Variants in MAST2 observed in about 807,000 individuals in gnomAD.
The protein encoded by MAST2 is microtubule associated serine/threonine kinase 2.
A neutral mutation model predicts 147.4 loss-of-function variants in MAST2; 70 were observed. The observed-to-expected ratio is 0.47, with a 90% confidence interval of 0.39 to 0.58. The LOEUF (loss-of-function observed/expected upper bound fraction) is 0.58. MAST2 is among the 20% of genes least tolerant of loss of function. The pLI is 0.00. For synonymous variants in MAST2, 869 were observed against 896.8 expected (o/e 0.97, Z 0.55); for missense variants, 2,080 against 2,302.3 (o/e 0.90, Z 1.98).
intron 5 of MAST2, 136 bp from the exon 6 acceptor site, chr1:45,997,588 C>T: frequency 4.4e-6 from 3 of 678,646 alleles, no homozygotes; most frequent in Non-Finnish European, 7.9e-6. Flanking sequence ...CAGAAAGAGA[C>T]TCATTAAACT....
intron 4 of MAST2, among the ~76,000 whole-genome samples, chr1:45,956,002 ACTAT>A (rs1172802202): frequency 6.6e-6 from 1 of 152,166 alleles, no homozygotes; most frequent in Non-Finnish European, 1.5e-5. Context: ...TTTCCTCATG[ACTAT>A]CTATAATCCA....
chr1:45,819,899 A>T (rs373176076), intron 1 of MAST2, among the ~76,000 whole-genome samples: 14 of 152,238 alleles, frequency 9.2e-5, no homozygotes, highest in South Asian at 2.1e-4. Flanking sequence ...TATCTTCAAC[A>T]TAAAGAAGAA....
intron 3 of MAST2, among the ~76,000 whole-genome samples, chr1:45,868,365 A>T (rs1646246101): frequency 6.6e-6 from 1 of 152,220 alleles, no homozygotes; most frequent in Admixed American, 6.5e-5. Flanking sequence ...CAACTCTCTT[A>T]GTGCCATAAT....
chr1:46,014,466 AT>A (rs2149254348), intron 10 of MAST2, among the ~76,000 whole-genome samples: 1 of 151,300 alleles, frequency 6.6e-6, no homozygotes, highest in Admixed American at 6.6e-5. Flanking sequence ...GGGAATGATG[AT>A]TTCCAATTTC....
At chr1:46,008,166 C>T in intron 8 of MAST2, 130 bp from the exon 9 acceptor site, 1 of 655,122 alleles carries the variant, frequency 1.5e-6, no homozygotes, top group Non-Finnish European at 2.8e-6. Flanking sequence ...CTCTAGAACT[C>T]AGTACCCGTT....
chr1:45,863,454 G>A (rs1646045812), intron 3 of MAST2, among the ~76,000 whole-genome samples: 1 of 152,276 alleles, frequency 6.6e-6, no homozygotes, highest in African/African-American at 2.4e-5. Flanking sequence ...GGATTTATTA[G>A]CTCTCACAAT....
intron 7 of MAST2, among the ~76,000 whole-genome samples, chr1:46,003,121 G>A (rs1031943496): frequency 6.6e-6 from 1 of 152,314 alleles, no homozygotes. Flanking sequence ...TACTTCTAGT[G>A]GAGGCAGAGG....
chr1:46,030,834 C>A, intron 22 of MAST2, 73 bp downstream of exon 22: 2 of 1,486,836 alleles, frequency 1.3e-6, no homozygotes, highest in Non-Finnish European at 9.0e-7. Flanking sequence ...GGGAGAGATT[C>A]CGATGCCAGG....
At chr1:45,988,937 C>T (rs1446711311) in intron 5 of MAST2, among the ~76,000 whole-genome samples, 2 of 152,108 alleles carry the variant, frequency 1.3e-5, no homozygotes, top group Non-Finnish European at 2.9e-5. Context: ...TAGAATCAGC[C>T]GTTTCTCCAA....
intron 4 of MAST2, among the ~76,000 whole-genome samples, chr1:45,958,558 C>G (rs1419078133): frequency 3.3e-5 from 5 of 151,518 alleles, no homozygotes; most frequent in Non-Finnish European, 7.4e-5. Context: ...CCCCCTCTCC[C>G]TCTCTCTCCC....
At chr1:45,922,626 G>A (rs997146768) in intron 4 of MAST2, among the ~76,000 whole-genome samples, 1 of 152,184 alleles carries the variant, frequency 6.6e-6, no homozygotes. Context: ...GCCAGGTAGC[G>A]GGAGCGGACG....
chr1:45,999,723 T>G (rs1645196077), intron 6 of MAST2, among the ~76,000 whole-genome samples: 1 of 152,222 alleles, frequency 6.6e-6, no homozygotes, highest in Non-Finnish European at 1.5e-5. Flanking sequence ...AAATGTCACC[T>G]CCTCAGAGAG....
intron 2 of MAST2, among the ~76,000 whole-genome samples, chr1:45,825,174 C>T (rs1283974223): frequency 1.3e-5 from 2 of 151,906 alleles, no homozygotes; most frequent in African/African-American, 2.4e-5. Context: ...TACAGGCATC[C>T]GCCACCATGC....
rs530693776 is a variant in MAST2 at position 46,023,533 on chromosome 1, C to T, written c.1571+215C>T. Reference sequence around the variant, plus strand: ...AAGATTCCCACGCCTCTTACTACCACGCATCCTCCATTCCCTGAGCTCTGG... The same window carrying T: ...AAGATTCCCACGCCTCTTACTACCATGCATCCTCCATTCCCTGAGCTCTGG... On this transcript the variant is annotated intron_variant, in intron 14 of 28. Transcript: ENST00000361297. This position sits in a 1 kb window ranked among gnomAD's most constrained non-coding sequence, Gnocchi z 4.9. The T allele has an allele frequency of 5.0e-4, 312 of 619,248 alleles. No homozygotes were observed. Among genetic ancestry groups the T allele is most frequent in the Non-Finnish European group, 8.0e-4 (278 of 347,818 alleles). The allele number at this position is 619,248 out of a possible 1,614,324, so 38.4% of individuals were successfully genotyped here.
chr1:45,930,592 A>T (rs185594088), intron 4 of MAST2, among the ~76,000 whole-genome samples: 25 of 152,240 alleles, frequency 1.6e-4, no homozygotes, highest in African/African-American at 5.3e-4. Flanking sequence ...AGTAAAAGGG[A>T]TGCTTTTTAT....
rs1195515026 is a variant in MAST2 at position 46,030,992 on chromosome 1, C to T, written c.2709-15C>T. ...GACCACCTGGGTCACTCACCCCAGG[C>T]CTTGTGTCTCATAGATTACGGAAGC... On this transcript the variant is annotated splice_polypyrimidine_tract_variant and intron_variant, in intron 22 of 28. Coordinates refer to ENST00000361297, the MANE Select transcript of MAST2 (RefSeq NM_015112.3). 6.2e-7 allele frequency: 1 copy of T among 1,610,292 alleles called. No homozygotes were observed. The highest frequency in any genetic ancestry group is 1.7e-5 in the Admixed American group (1 of 59,658).
chr1:45,844,036 T>C (rs969484342), intron 3 of MAST2, among the ~76,000 whole-genome samples: 1 of 152,216 alleles, frequency 6.6e-6, no homozygotes, highest in Non-Finnish European at 1.5e-5. Context: ...ACCTTAAAAA[T>C]AGTGACGTCA....
At chr1:45,993,008 A>G (rs1644909369) in intron 5 of MAST2, among the ~76,000 whole-genome samples, 1 of 152,070 alleles carries the variant, frequency 6.6e-6, no homozygotes, top group Admixed American at 6.6e-5. Context: ...TTCAAATAAT[A>G]TTATACCACT....
intron 3 of MAST2, among the ~76,000 whole-genome samples, chr1:45,841,336 A>G (rs988149699): frequency 2.6e-5 from 4 of 152,074 alleles, no homozygotes; most frequent in African/African-American, 7.2e-5. Context: ...AACAAAATGT[A>G]TATATTTTTT....
Sources: gnomAD v4.1 joint callset for allele counts (sites outside exome capture counted in the v4.1 genomes callset) on GRCh38, gnomAD v4.1.1 for gene constraint, Gnocchi (gnomAD v3.1) non-coding constraint, MANE v1.5 for transcripts, NCBI Gene and HGNC (gene_info 2026-07-23, HGNC 2026-07-21) for gene names.